Variants in CFAP299 observed in about 807,000 individuals in gnomAD.
CFAP299 encodes the protein cilia and flagella associated protein 299, also known as cilia- and flagella-associated protein 299.
In CFAP299, 21 loss-of-function variants were observed where a neutral mutation model predicts 27.0. The ratio of observed to expected loss-of-function variants is 0.78; its 90% CI spans 0.55 to 1.12. CFAP299 has a LOEUF of 1.12. Ranked by LOEUF, CFAP299 falls within the 50% of genes most tolerant of loss-of-function variation. The pLI is 0.00. For missense variants in CFAP299, 310 were observed against 276.6 expected (o/e 1.12, Z -0.86); for synonymous variants, 104 against 98.1 (o/e 1.06, Z -0.36).
chr4:80,884,708 A>C (rs1425109990), intron 4 of CFAP299, among the ~76,000 whole-genome samples: 2 of 150,912 alleles, frequency 1.3e-5, no homozygotes, highest in Non-Finnish European at 2.9e-5. Context: ...TTTTTTATAA[A>C]AAATAAAATA....
intron 3 of CFAP299, among the ~76,000 whole-genome samples, chr4:80,673,459 TGTG>T (rs1439411956): frequency 6.6e-6 from 1 of 151,962 alleles, no homozygotes; most frequent in South Asian, 2.1e-4. Flanking sequence ...ATAAGTGTGA[TGTG>T]GTGCTGAGAA....
At chr4:80,594,361 G>A (rs979106231) in intron 3 of CFAP299, among the ~76,000 whole-genome samples, 8 of 152,106 alleles carry the variant, frequency 5.3e-5, no homozygotes, top group Non-Finnish European at 8.8e-5. Context: ...ACAGAATGGG[G>A]GAAACTGCCC....
At chr4:80,391,895 A>C (rs1725501716) in intron 2 of CFAP299, among the ~76,000 whole-genome samples, 1 of 152,206 alleles carries the variant, frequency 6.6e-6, no homozygotes, top group African/African-American at 2.4e-5. Flanking sequence ...TGTGTACCCC[A>C]AAAAGCCACA....
upstream of CFAP299, among the ~76,000 whole-genome samples, chr4:80,334,453 A>C (rs1722046761): frequency 6.6e-6 from 1 of 151,900 alleles, no homozygotes; most frequent in South Asian, 2.1e-4. Context: ...AATTTTTGTA[A>C]TTTTAGTAGA....
At chr4:80,916,284 TATATATATATA>T (rs1369593247) in intron 4 of CFAP299, among the ~76,000 whole-genome samples, 6 of 118,554 alleles carry the variant, frequency 5.1e-5, no homozygotes, top group African/African-American at 1.9e-4. Context: ...TATATATATA[TATATATATATA>T]TTTCAGGTAC....
At chr4:80,929,154 C>T (rs545782612) in intron 4 of CFAP299, among the ~76,000 whole-genome samples, 1 of 152,240 alleles carries the variant, frequency 6.6e-6, no homozygotes, top group East Asian at 1.9e-4. Flanking sequence ...GTCTCTATGG[C>T]AATGCTACCC....
At chr4:80,765,165 C>T (rs757178150) in intron 3 of CFAP299, among the ~76,000 whole-genome samples, 10 of 152,096 alleles carry the variant, frequency 6.6e-5, no homozygotes, top group Non-Finnish European at 1.5e-4. Flanking sequence ...GTTGATCTGT[C>T]TTTTCCAAGG....
chr4:80,769,300 A>G (rs1330708501), intron 3 of CFAP299, among the ~76,000 whole-genome samples: 3 of 152,210 alleles, frequency 2.0e-5, no homozygotes, highest in African/African-American at 7.2e-5. Context: ...CAAGTCTATT[A>G]TAAAACTTTT....
At chr4:80,787,088 A>G (rs905969908) in intron 3 of CFAP299, among the ~76,000 whole-genome samples, 2 of 151,710 alleles carry the variant, frequency 1.3e-5, no homozygotes, top group African/African-American at 4.8e-5. Context: ...AATGCTCTCA[A>G]GATACAGGAG....
At chr4:80,651,557 G>T (rs1276638525) in intron 3 of CFAP299, among the ~76,000 whole-genome samples, 2 of 151,726 alleles carry the variant, frequency 1.3e-5, no homozygotes, top group Non-Finnish European at 1.5e-5. Context: ...TAGAGATAGG[G>T]TCTCTCTCTG....
chr4:80,462,724 C>T (rs775461154), intron 2 of CFAP299, among the ~76,000 whole-genome samples: 7 of 152,140 alleles, frequency 4.6e-5, no homozygotes, highest in Admixed American at 6.6e-5. Context: ...TACCAAACCA[C>T]GTGATCCAGA....
At chr4:80,632,501 C>T (rs1183227417) in intron 3 of CFAP299, among the ~76,000 whole-genome samples, 1 of 152,126 alleles carries the variant, frequency 6.6e-6, no homozygotes, top group African/African-American at 2.4e-5. Flanking sequence ...TAATAAAACT[C>T]TGGACAATAT....
At chr4:80,565,926 G>A (rs1195125380) in intron 2 of CFAP299, among the ~76,000 whole-genome samples, 3 of 151,944 alleles carry the variant, frequency 2.0e-5, no homozygotes, top group South Asian at 2.1e-4. Flanking sequence ...TCTCATACAG[G>A]GAGTGTTAAC....
intron 3 of CFAP299, among the ~76,000 whole-genome samples, chr4:80,845,177 G>A (rs1013188352): frequency 1.3e-5 from 2 of 152,070 alleles, no homozygotes; most frequent in South Asian, 2.1e-4. Flanking sequence ...ATAGTTTGAA[G>A]TCAGGTAGTG....
At chr4:80,661,003 G>A (rs1488362759) in intron 3 of CFAP299, among the ~76,000 whole-genome samples, 2 of 152,056 alleles carry the variant, frequency 1.3e-5, no homozygotes, top group Admixed American at 1.3e-4. Flanking sequence ...GTTATCCTAG[G>A]TTGGATAGGA....
intron 2 of CFAP299, among the ~76,000 whole-genome samples, chr4:80,570,723 C>G (rs368485355): frequency 3.9e-4 from 60 of 152,156 alleles, no homozygotes; most frequent in African/African-American, 1.3e-3. Context: ...TGTGCTATTA[C>G]ATAGCTCTTG....
intron 3 of CFAP299, among the ~76,000 whole-genome samples, chr4:80,837,198 G>T (rs556544651): frequency 1.3e-5 from 2 of 152,014 alleles, no homozygotes; most frequent in African/African-American, 4.8e-5. Flanking sequence ...AAAATTAGAG[G>T]TCACAGATAT....
chr4:80,419,527 T>C (rs1028080177), intron 2 of CFAP299, among the ~76,000 whole-genome samples: 1 of 152,228 alleles, frequency 6.6e-6, no homozygotes, highest in Non-Finnish European at 1.5e-5. Context: ...TGAGATCTTA[T>C]CAGGAAGCTT....
chr4:80,951,743 T>C (rs1413221489), intron 5 of CFAP299, among the ~76,000 whole-genome samples: 1 of 152,214 alleles, frequency 6.6e-6, no homozygotes, highest in Non-Finnish European at 1.5e-5. Context: ...ACAGTACTAT[T>C]GTCTTAGCTG....
Sources: allele counts gnomAD v4.1 joint callset (sites outside exome capture counted in the v4.1 genomes callset), GRCh38; gene constraint gnomAD v4.1.1; transcripts MANE v1.5; gene names NCBI Gene and HGNC (gene_info 2026-07-23, HGNC 2026-07-21).